GHR: variants seen among roughly 807,000 people sequenced by gnomAD.
GHR encodes growth hormone receptor.
Under a neutral mutation model 67.1 loss-of-function variants are expected in GHR, and 35 were observed. The ratio of observed to expected loss-of-function variants is 0.52; its 90% confidence interval spans 0.40 to 0.69. GHR has a LOEUF of 0.69. Among genes scored for constraint, GHR ranks in the 30% least tolerant of loss-of-function variants. The probability of loss-of-function intolerance (pLI) is 0.00; values close to 1 mark genes in which losing one functional copy is unlikely to be tolerated. For synonymous variants in GHR, 272 were observed against 269.1 expected (o/e 1.01, Z -0.10); for missense variants, 792 against 764.6 (o/e 1.04, Z -0.42).
chr5:42,585,012 G>A (rs1751401824), intron 2 of GHR, among the ~76,000 whole-genome samples: 1 of 152,114 alleles, frequency 6.6e-6, no homozygotes, highest in African/African-American at 2.4e-5. Context: ...CCTTGGCCAG[G>A]TAAATACAGT....
At chr5:42,454,002 G>T (rs1166109466) in intron 1 of GHR, among the ~76,000 whole-genome samples, 1 of 152,196 alleles carries the variant, frequency 6.6e-6, no homozygotes, top group East Asian at 1.9e-4. Context: ...CCTTGATGTG[G>T]TGTTCTCCTC....
At chr5:42,653,806 G>A (rs1755122471) in intron 3 of GHR, among the ~76,000 whole-genome samples, 1 of 152,130 alleles carries the variant, frequency 6.6e-6, no homozygotes. Context: ...GCTTGTCGCT[G>A]TTGATGATCC....
At chr5:42,570,021 A>G (rs1464545441) in intron 2 of GHR, among the ~76,000 whole-genome samples, 2 of 152,082 alleles carry the variant, frequency 1.3e-5, no homozygotes, top group African/African-American at 4.8e-5. Flanking sequence ...TCTCATTGCT[A>G]TCAGACAGCA....
intron 2 of GHR, among the ~76,000 whole-genome samples, chr5:42,615,213 A>G (rs1753083140): frequency 1.3e-5 from 2 of 149,382 alleles, no homozygotes; most frequent in Non-Finnish European, 3.0e-5. Context: ...TACAGCAAAG[A>G]AAAAAAAAAC....
In GHR at chr5:42,718,813, T is replaced by C; in HGVS notation, c.1306T>C (p.Tyr436His). 1 of 1,614,126 alleles carries C rather than the reference T, an allele frequency of 6.2e-7. No individual in the cohort carries two copies. Among genetic ancestry groups the C allele is most frequent in the Non-Finnish European group, 8.5e-7 (1 of 1,180,020 alleles). The change falls in exon 10 of 10, where the codon TAT (tyrosine) becomes CAT (histidine). Residue 436 changes from tyrosine (Y) to histidine (H), a missense_variant. Tyr to His is a moderately conservative substitution (Grantham distance 83). Coordinates refer to ENST00000230882, the MANE Select transcript of GHR (RefSeq NM_000163.5). ...LDQKNQNNSPYHDACPATQQP... is the reference protein window; with the variant it reads ...LDQKNQNNSPHHDACPATQQP... ...CCAGAAGAATCAAAATAACTCACCT[T>C]ATCATGATGCTTGCCCTGCTACTCA...
chr5:42,494,382 C>G (rs1452986126), intron 1 of GHR, among the ~76,000 whole-genome samples: 2 of 151,994 alleles, frequency 1.3e-5, no homozygotes, highest in African/African-American at 4.8e-5. Flanking sequence ...AGTAAAACTC[C>G]TAATATTCAG....
intron 1 of GHR, among the ~76,000 whole-genome samples, chr5:42,516,491 T>G (rs2112284166): frequency 6.6e-6 from 1 of 152,180 alleles, no homozygotes; most frequent in East Asian, 1.9e-4. Flanking sequence ...CAACATGACA[T>G]GATTGCTGAG....
Position 42,668,847 on chromosome 5 carries a change from G to T in GHR, c.137-20043G>T, listed in dbSNP as rs547023482. On this transcript the variant is annotated intron_variant, in intron 3 of 9. Coordinates refer to ENST00000230882, the MANE Select transcript of GHR (RefSeq NM_000163.5). ...TGTAAATTTAAAAAATCATAAGTTA[G>T]AAATGTCAAAACTTGAAAATGCATT... 3.3e-5 allele frequency among the ~76,000 whole-genome samples: 5 copies of T among 152,150 alleles called. No homozygotes were observed. In the East Asian group the frequency reaches 7.7e-4, roughly 23 times the overall value.
At chr5:42,662,616 G>A (rs1055916198) in intron 3 of GHR, among the ~76,000 whole-genome samples, 5 of 152,038 alleles carry the variant, frequency 3.3e-5, no homozygotes, top group African/African-American at 1.2e-4. Flanking sequence ...GTGTGTAGAG[G>A]GAAATTTATA....
intron 3 of GHR, among the ~76,000 whole-genome samples, chr5:42,648,322 A>G (rs574331619): frequency 6.6e-6 from 1 of 152,342 alleles, no homozygotes; most frequent in African/African-American, 2.4e-5. Context: ...ACAGTTAAAC[A>G]GGGTGGCAGG....
chr5:42,448,800 T>C (rs546436573), intron 1 of GHR, among the ~76,000 whole-genome samples: 2 of 152,234 alleles, frequency 1.3e-5, no homozygotes, highest in East Asian at 3.9e-4. Context: ...CATCCTGAAT[T>C]GATTTTTATA....
chr5:42,680,838 C>T lies in GHR; in HGVS notation c.137-8052C>T, dbSNP rs535464968. Reference sequence around the variant, plus strand: ...GATTTTTTGATTGAATGCTTAATGTCTTTCTATTATTATTATTTTTTTTTA... The same window carrying T: ...GATTTTTTGATTGAATGCTTAATGTTTTTCTATTATTATTATTTTTTTTTA... On this transcript the variant is annotated intron_variant, in intron 3 of 9. Transcript: ENST00000230882. Among the ~76,000 whole-genome samples the T allele has an allele frequency of 1.2e-3, 153 of 124,472 alleles. 1 individual carries two copies. The highest frequency in any genetic ancestry group is 4.7e-3 in the African/African-American group (151 of 32,276). 81.7% of individuals were successfully genotyped at this position (124,472 alleles called of 152,430 possible).
intron 1 of GHR, among the ~76,000 whole-genome samples, chr5:42,482,949 G>A (rs1745718621): frequency 6.6e-6 from 1 of 152,200 alleles, no homozygotes; most frequent in African/African-American, 2.4e-5. Context: ...TGGTAATGCA[G>A]AAATCACCCG....
At chr5:42,465,375 G>T (rs1365291663) in intron 1 of GHR, 1 of 1,029,362 alleles carries the variant, frequency 9.7e-7, no homozygotes, top group Non-Finnish European at 1.5e-6. Flanking sequence ...TTAGGTTAAG[G>T]GTATAAAGGG....
chr5:42,500,596 T>C (rs926384447), intron 1 of GHR, among the ~76,000 whole-genome samples: 11 of 152,222 alleles, frequency 7.2e-5, no homozygotes, highest in African/African-American at 2.2e-4. Context: ...TTAGAGAATA[T>C]ACAGCATATA....
chr5:42,506,726 G>A (rs190209480), intron 1 of GHR, among the ~76,000 whole-genome samples: 20 of 152,250 alleles, frequency 1.3e-4, no homozygotes, highest in African/African-American at 2.4e-4. Flanking sequence ...CTGGTCAAGC[G>A]TATCCTTTTA....
At chr5:42,436,199 A>G (rs1743315820) in intron 1 of GHR, among the ~76,000 whole-genome samples, 1 of 152,220 alleles carries the variant, frequency 6.6e-6, no homozygotes, top group Non-Finnish European at 1.5e-5. Context: ...AGGAAATGAG[A>G]CCAAGGGAAG....
chr5:42,466,244 G>A (rs1744728961), intron 1 of GHR, among the ~76,000 whole-genome samples: 1 of 152,012 alleles, frequency 6.6e-6, no homozygotes, highest in South Asian at 2.1e-4. Flanking sequence ...ACTCAACAGA[G>A]GTCTCCAGAG....
intron 1 of GHR, chr5:42,466,014 G>A (rs2972411): frequency 1.8e-6 from 1 of 554,236 alleles, no homozygotes; most frequent in East Asian, 3.2e-5. Flanking sequence ...TCTTCTTTTT[G>A]TGTTTTTTAT....
Sources: gnomAD v4.1 joint callset for allele counts (sites outside exome capture counted in the v4.1 genomes callset) on GRCh38, gnomAD v4.1.1 for gene constraint, MANE v1.5 for transcripts, NCBI Gene and HGNC (gene_info 2026-07-23, HGNC 2026-07-21) for gene names.